Variants in GRID2 observed in about 807,000 individuals in gnomAD.
GRID2 encodes glutamate ionotropic receptor delta type subunit 2.
Under a neutral mutation model 114.8 loss-of-function variants are expected in GRID2, and 33 were observed. The ratio of observed to expected loss-of-function variants is 0.29; its 90% confidence interval spans 0.22 to 0.38. The LOEUF is 0.38. Among genes scored for constraint, GRID2 ranks in the 10% least tolerant of loss-of-function variants. The probability of loss-of-function intolerance (pLI) is 1.00; values close to 1 mark genes in which losing one functional copy is unlikely to be tolerated. For missense variants in GRID2, 1,184 were observed against 1,257.7 expected (o/e 0.94, Z 0.89); for synonymous variants, 505 against 449.9 (o/e 1.12, Z -1.55).
rs534404729 is a variant in GRID2, at chr4:92,943,477, C to T, written c.245-141518C>T. On this transcript the variant is annotated intron_variant, in intron 2 of 15. Coordinates refer to ENST00000282020, the MANE Select transcript of GRID2 (RefSeq NM_001510.4). ...GCATTGGTTATTTTATTTAGCCATTCATCTAATTTTTTTTCAAGGTTTTTA... is the reference window on the plus strand; with the variant it reads ...GCATTGGTTATTTTATTTAGCCATTTATCTAATTTTTTTTCAAGGTTTTTA... Among the ~76,000 whole-genome samples, 4 of 152,256 alleles carry T rather than the reference C, an allele frequency of 2.6e-5. 1 individual carries two copies. Among genetic ancestry groups the T allele is most frequent in the African/African-American group, 9.6e-5 (4 of 41,552 alleles).
At chr4:92,329,086 C>T (rs80047725) in intron 1 of GRID2, among the ~76,000 whole-genome samples, 1,837 of 152,068 alleles carry the variant, frequency 0.012, 36 homozygotes, top group African/African-American at 0.041. Flanking sequence ...GCTAATTTTA[C>T]TTCATAATAG....
chr4:93,130,831 G>T (rs2149374843), intron 4 of GRID2, among the ~76,000 whole-genome samples: 1 of 152,280 alleles, frequency 6.6e-6, no homozygotes, highest in African/African-American at 2.4e-5. Context: ...GGAGATTGAT[G>T]ATTGCAGCTA....
At chr4:92,697,270 C>T (rs1449782296) in intron 2 of GRID2, among the ~76,000 whole-genome samples, 1 of 151,988 alleles carries the variant, frequency 6.6e-6, no homozygotes, top group Non-Finnish European at 1.5e-5. Flanking sequence ...TTTGCAAAAC[C>T]CCTTACATAA....
At chr4:92,471,067 C>T (rs763897903) in intron 1 of GRID2, among the ~76,000 whole-genome samples, 8 of 151,842 alleles carry the variant, frequency 5.3e-5, no homozygotes, top group Non-Finnish European at 1.0e-4. Context: ...CAAGCCAATT[C>T]CAAGGAAATA....
intron 13 of GRID2, among the ~76,000 whole-genome samples, chr4:93,605,763 T>C (rs1740166871): frequency 6.6e-6 from 1 of 152,144 alleles, no homozygotes; most frequent in Admixed American, 6.5e-5. Context: ...TACCAGAAGT[T>C]TACAGTTACA....
chr4:93,301,426 C>T (rs1362301404), intron 8 of GRID2, among the ~76,000 whole-genome samples: 2 of 152,018 alleles, frequency 1.3e-5, no homozygotes, highest in South Asian at 2.1e-4. Context: ...AACTGGGATT[C>T]GTTAAAAGTT....
intron 2 of GRID2, among the ~76,000 whole-genome samples, chr4:92,795,650 T>G (rs1326302227): frequency 6.6e-6 from 1 of 152,040 alleles, no homozygotes; most frequent in East Asian, 1.9e-4. Context: ...TGCTTTACTT[T>G]CAGTGTCCTA....
At chr4:93,678,551 G>A (rs1020953182) in intron 14 of GRID2, among the ~76,000 whole-genome samples, 5 of 152,014 alleles carry the variant, frequency 3.3e-5, no homozygotes, top group Admixed American at 2.0e-4. Context: ...CCCACAAAGG[G>A]AAGCCCATCA....
intron 2 of GRID2, among the ~76,000 whole-genome samples, chr4:92,719,835 G>C (rs1735729604): frequency 6.6e-6 from 1 of 152,136 alleles, no homozygotes; most frequent in Non-Finnish European, 1.5e-5. Context: ...CTTTTGATCA[G>C]AGAATGAGCC....
intron 2 of GRID2, among the ~76,000 whole-genome samples, chr4:93,031,539 G>A (rs987730710): frequency 2.0e-5 from 3 of 152,046 alleles, no homozygotes; most frequent in Admixed American, 1.3e-4. Context: ...TATGTGTCGT[G>A]GGAGGAATTG....
intron 8 of GRID2, among the ~76,000 whole-genome samples, chr4:93,312,355 A>G (rs963712111): frequency 1.3e-5 from 2 of 152,220 alleles, no homozygotes; most frequent in South Asian, 2.1e-4. Flanking sequence ...TATTTGGCTG[A>G]AAATTGGATT....
chr4:93,584,102 A>C (rs944883295), intron 13 of GRID2, among the ~76,000 whole-genome samples: 23 of 152,172 alleles, frequency 1.5e-4, no homozygotes, highest in African/African-American at 5.5e-4. Context: ...ATAAAGACAC[A>C]ACTGTTTCTG....
At chr4:93,794,502 C>A (rs940079910) in intron 1 of GRID2, among the ~76,000 whole-genome samples, 1 of 152,110 alleles carries the variant, frequency 6.6e-6, no homozygotes, top group Non-Finnish European at 1.5e-5. Context: ...GCCACGGCAC[C>A]TCCACATCTC....
In GRID2 at chr4:93,344,126, G is replaced by A. The variant is rs905982942; in HGVS notation, c.1246-51481G>A. On this transcript the variant is annotated intron_variant, in intron 8 of 15. Transcript: ENST00000282020. ...TGGAGAAGCCTTATAATTGTTCCAAGTAAATTCAGAAGTAATAGGTAATAG... is the reference window on the plus strand; with the variant it reads ...TGGAGAAGCCTTATAATTGTTCCAAATAAATTCAGAAGTAATAGGTAATAG... 3.3e-5 allele frequency among the ~76,000 whole-genome samples: 5 copies of A among 152,002 alleles called. No individual in the cohort carries two copies. The East Asian group carries it at 9.7e-4, about 29-fold the overall frequency.
chr4:92,396,861 C>A (rs1426020413), intron 1 of GRID2, among the ~76,000 whole-genome samples: 1 of 151,990 alleles, frequency 6.6e-6, no homozygotes, highest in Non-Finnish European at 1.5e-5. Context: ...GTTGACCTAG[C>A]AACAATTTAA....
At chr4:92,987,476 G>A (rs1436053926) in intron 2 of GRID2, among the ~76,000 whole-genome samples, 1 of 151,976 alleles carries the variant, frequency 6.6e-6, no homozygotes, top group Non-Finnish European at 1.5e-5. Flanking sequence ...TAGCATTAGG[G>A]AGATATACCT....
chr4:92,909,817 C>G (rs1255763222), intron 2 of GRID2, among the ~76,000 whole-genome samples: 1 of 151,908 alleles, frequency 6.6e-6, no homozygotes, highest in Admixed American at 6.6e-5. Flanking sequence ...GCTCTATGTC[C>G]TTAAGGAACT....
chr4:92,316,540 T>G (rs1264337772), intron 1 of GRID2, among the ~76,000 whole-genome samples: 1 of 152,152 alleles, frequency 6.6e-6, no homozygotes, highest in Non-Finnish European at 1.5e-5. Context: ...GTCACCAGAT[T>G]TTTTTTACAC....
chr4:93,336,610 G>C (rs2149239438), intron 8 of GRID2, among the ~76,000 whole-genome samples: 1 of 152,258 alleles, frequency 6.6e-6, no homozygotes, highest in Admixed American at 6.5e-5. Flanking sequence ...AAATTCCCTA[G>C]GTGTTGACAA....
Sources: allele counts gnomAD v4.1 joint callset (sites outside exome capture counted in the v4.1 genomes callset), GRCh38; gene constraint gnomAD v4.1.1; transcripts MANE v1.5; gene names NCBI Gene and HGNC (gene_info 2026-07-23, HGNC 2026-07-21).